FANCM: variants seen among roughly 807,000 people sequenced by gnomAD.
FANCM encodes the protein FA complementation group M.
A neutral mutation model predicts 199.5 loss-of-function variants in FANCM; 140 were observed. That is an observed-to-expected ratio of 0.70 (90% CI 0.61 to 0.81). FANCM has a LOEUF of 0.81. FANCM is among the 30% of genes least tolerant of loss of function. FANCM has a pLI of 0.00. For synonymous variants in FANCM, 840 were observed against 836.8 expected (o/e 1.00, Z -0.07); for missense variants, 2,410 against 2,421.4 (o/e 1.00, Z 0.10).
intron 7 of FANCM, 27 bp downstream of exon 7, chr14:45,154,849 A>G: frequency 6.3e-7 from 1 of 1,594,988 alleles, no homozygotes; most frequent in Non-Finnish European, 8.6e-7. Flanking sequence ...AAAATTATGT[A>G]TTGTGTTGTG....
At chr14:45,148,810 TA>T (rs1886612741) in intron 3 of FANCM, 26 bp from the exon 4 acceptor site, 2 of 1,549,420 alleles carry the variant, frequency 1.3e-6, no homozygotes, top group Non-Finnish European at 1.8e-6. Flanking sequence ...ATGTAGTTTA[TA>T]ATCATACTTA....
intron 10 of FANCM, among the ~76,000 whole-genome samples, chr14:45,166,536 T>C (rs1426333603): frequency 6.6e-6 from 1 of 152,064 alleles, no homozygotes; most frequent in Non-Finnish European, 1.5e-5. Flanking sequence ...TTTCAGCACC[T>C]TGGGAGGCCA....
chr14:45,170,768 A>G lies in FANCM; in HGVS notation c.2160+22A>G, dbSNP rs779075149. On this transcript the variant is annotated intron_variant, in intron 12 of 22. Transcript: ENST00000267430. ...ACCAGTAAGTTGAATATATTTTCAG[A>G]TGTTCTTTTCCCCCCCCTCATTTTA... 5.0e-6 allele frequency: 8 copies of G among 1,596,428 alleles called. No individual in the cohort carries two copies. The East Asian group carries it at 1.3e-4, about 27-fold the overall frequency.
rs140365973 is a variant in FANCM at position 45,167,580 on chromosome 14, T to C, written c.2002+417T>C. Among the ~76,000 whole-genome samples, 902 of 152,320 alleles carry C rather than the reference T, an allele frequency of 5.9e-3. 9 individuals carry two copies. The highest frequency in any genetic ancestry group is 0.021 in the Admixed American group (328 of 15,300). On this transcript the variant is annotated intron_variant, in intron 11 of 22. Transcript: ENST00000267430. ...TTTACATACATGTTGTCAATATTAATAGTAACTTGTCCTCATGTAAGAGGG... is the reference window on the plus strand; with the variant it reads ...TTTACATACATGTTGTCAATATTAACAGTAACTTGTCCTCATGTAAGAGGG...
rs1453541569 is a variant in FANCM, at chr14:45,200,798, G to A, written c.*790G>A. ...CCTACTGCCATGTGGAAAAGGAAAC[G>A]TTTGCTTCCCCTCCACCATGATTGT... On this transcript the variant is annotated 3_prime_UTR_variant, in exon 23 of 23. Coordinates refer to ENST00000267430, the MANE Select transcript of FANCM (RefSeq NM_020937.4). 4 of 152,168 alleles carry A rather than the reference G, an allele frequency of 2.6e-5. No individual in the cohort carries two copies. The highest frequency in any genetic ancestry group is 4.8e-5 in the African/African-American group (2 of 41,406). 9.4% of individuals were successfully genotyped at this position (152,168 alleles called of 1,614,324 possible).
rs1490064375 is a variant in FANCM at position 45,198,655 on chromosome 14, A to G, written c.5728A>G (p.Arg1910Gly). ...ATATGAATATTTAGGAGACACATCAAGGATGTTTAGGAGAACAAAGAGCTA... is the reference window on the plus strand; with the variant it reads ...ATATGAATATTTAGGAGACACATCAGGGATGTTTAGGAGAACAAAGAGCTA... Reference protein sequence around the residue: ...KDREKTGDTSRMFRRTKSYDS... With the variant: ...KDREKTGDTSGMFRRTKSYDS... Residue 1910 changes from arginine (R) to glycine (G), a missense_variant, in exon 22 of 23, where the codon AGG becomes GGG. Coordinates refer to ENST00000267430, the MANE Select transcript of FANCM (RefSeq NM_020937.4). 1 of 1,610,654 alleles carries G rather than the reference A, an allele frequency of 6.2e-7. No homozygotes were observed. The highest frequency in any genetic ancestry group is 1.3e-5 in the African/African-American group (1 of 74,970).
At chr14:45,174,926 G>A (rs150441677) in intron 13 of FANCM, 145 bp from the exon 14 acceptor site, 38 of 560,650 alleles carry the variant, frequency 6.8e-5, no homozygotes, top group Admixed American at 1.3e-4. Context: ...TTGATTTATC[G>A]GAATAACTTT....
rs191375015 is a variant in FANCM at position 45,155,179 on chromosome 14, A to C, written c.1310-194A>C. On this transcript the variant is annotated intron_variant, in intron 7 of 22. Coordinates refer to ENST00000267430, the MANE Select transcript of FANCM (RefSeq NM_020937.4). The stretch of plus-strand genomic sequence containing the variant: ...TCCTCTTTAGGTTCTCTCAGAATGA[A>C]ATTTTTATGAAAGTTCAAAGTTCAT... 1.8e-3 allele frequency among the ~76,000 whole-genome samples: 281 copies of C among 152,240 alleles called. 3 individuals carry two copies. Among genetic ancestry groups the C allele is most frequent in the Non-Finnish European group, 2.6e-3 (174 of 68,018 alleles).
At chr14:45,172,641 C>G (rs1035499990) in intron 12 of FANCM, among the ~76,000 whole-genome samples, 1 of 152,042 alleles carries the variant, frequency 6.6e-6, no homozygotes, top group African/African-American at 2.4e-5. Context: ...ATATTTAAAA[C>G]TTTAAATTTG....
rs759166551 is a variant in FANCM at position 45,176,623 on chromosome 14, C to T, written c.3869C>T (p.Thr1290Ile). 64 of 1,610,396 alleles carry T rather than the reference C, an allele frequency of 4.0e-5. No homozygotes were observed. Among genetic ancestry groups the T allele is most frequent in the Non-Finnish European group, 5.4e-5 (64 of 1,178,610 alleles). The change falls in exon 14 of 23, where the codon ACT becomes ATT. Residue 1290 changes from threonine (T) to isoleucine (I), a missense_variant. Transcript: ENST00000267430. The stretch of plus-strand genomic sequence containing the variant: ...CCAAGAGATCATAGTAAAAATTTTA[C>T]TAGTGGAACTGTTATTATCCCATCA... ...LIPRDHSKNF[T>I]SGTVIIPSNE...
chr14:45,156,342 A>T lies in FANCM; in HGVS notation c.1396+883A>T, dbSNP rs565598951. On this transcript the variant is annotated intron_variant, in intron 8 of 22. Transcript: ENST00000267430. ...ATGAGAGGTATGCAGATAATATCAGACTTTAGTTTTTAATTTCTGAATATT... is the reference window on the plus strand; with the variant it reads ...ATGAGAGGTATGCAGATAATATCAGTCTTTAGTTTTTAATTTCTGAATATT... Among the ~76,000 whole-genome samples, 13 of 152,326 alleles carry T rather than the reference A, an allele frequency of 8.5e-5. No homozygotes were observed. In the South Asian group the frequency reaches 2.5e-3, roughly 29 times the overall value.
At chr14:45,150,695 T>G (rs1886757117) in intron 4 of FANCM, among the ~76,000 whole-genome samples, 1 of 152,256 alleles carries the variant, frequency 6.6e-6, no homozygotes, top group African/African-American at 2.4e-5. Flanking sequence ...TTCACCTTAT[T>G]TAATAATGAT....
Position 45,136,546 on chromosome 14 carries a change from T to C in FANCM, c.508+7T>C. On this transcript the variant is annotated splice_region_variant and intron_variant, in intron 1 of 22. Coordinates refer to ENST00000267430, the MANE Select transcript of FANCM (RefSeq NM_020937.4). ...CACATGGCCGAAATGACAGGTATCT[T>C]AGACTGGACTAATTTTGAAGTAAGA... The C allele has an allele frequency of 6.2e-7, 1 of 1,612,542 alleles. No individual in the cohort carries two copies.
chr14:45,149,815 C>G (rs568479705), intron 4 of FANCM, among the ~76,000 whole-genome samples: 13 of 151,922 alleles, frequency 8.6e-5, no homozygotes, highest in African/African-American at 3.1e-4. Context: ...ACAACAACAA[C>G]AACAACAACA....
intron 21 of FANCM, among the ~76,000 whole-genome samples, chr14:45,197,813 G>T (rs1408868365): frequency 6.7e-6 from 1 of 149,242 alleles, no homozygotes; most frequent in Non-Finnish European, 1.5e-5. Context: ...GCCCAGGCTG[G>T]AGTGCAGTGG....
At chr14:45,154,356 A>ATGCTGC (rs1887035378) in intron 6 of FANCM, among the ~76,000 whole-genome samples, 1 of 151,270 alleles carries the variant, frequency 6.6e-6, no homozygotes, top group African/African-American at 2.4e-5. Flanking sequence ...AGTCAAGATC[A>ATGCTGC]TGCTGCTGCA....
At chr14:45,140,553 T>C (rs1880831114) in intron 2 of FANCM, 79 bp from the exon 3 acceptor site, 33 of 781,232 alleles carry the variant, frequency 4.2e-5, no homozygotes, top group South Asian at 4.2e-4. Flanking sequence ...TAAGGGACCA[T>C]GTATAATAGG....
rs767487612 is a variant in FANCM at position 45,151,416 on chromosome 14, G to A, written c.938G>A (p.Arg313His). The change falls in exon 5 of 23, where the codon CGT becomes CAT. Residue 313 changes from arginine (R) to histidine (H), a missense_variant. Arg to His is a conservative substitution (Grantham distance 29). Transcript: ENST00000267430. ...TTGCAGATTTTGGAATCATTTGCTC[G>A]TTCTTTGATTCAGAGGAATGTTTTG... The part of the protein sequence containing the change: ...TYIQILESFA[R>H]SLIQRNVLMR... The A allele has an allele frequency of 6.1e-5, 98 of 1,613,558 alleles. No individual in the cohort carries two copies. Among genetic ancestry groups the A allele is most frequent in the Middle Eastern group, 1.6e-4 (1 of 6,084 alleles).
At chr14:45,138,808 G>A (rs776494824) in intron 2 of FANCM, among the ~76,000 whole-genome samples, 11 of 151,942 alleles carry the variant, frequency 7.2e-5, no homozygotes, top group African/African-American at 1.9e-4. Flanking sequence ...AGCTTACACC[G>A]CATTGAATAT....
Sources: gnomAD v4.1 joint callset for allele counts (sites outside exome capture counted in the v4.1 genomes callset) on GRCh38, gnomAD v4.1.1 for gene constraint, MANE v1.5 for transcripts, NCBI Gene and HGNC (gene_info 2026-07-23, HGNC 2026-07-21) for gene names.